The following ADGRG2 variants were observed in gnomAD, a reference collection of about 807,000 sequenced individuals.
The protein encoded by ADGRG2 is adhesion G protein-coupled receptor G2.
Under a neutral mutation model 74.1 loss-of-function variants are expected in ADGRG2, and 26 were observed. The observed-to-expected ratio is 0.35, with a 90% CI of 0.26 to 0.49. The LOEUF (loss-of-function observed/expected upper bound fraction) is 0.49. Ranked by LOEUF, ADGRG2 falls within the 20% of genes least tolerant of loss-of-function variation. ADGRG2 has a pLI of 0.99. For missense variants in ADGRG2, 619 were observed against 763.1 expected, an observed-to-expected ratio of 0.81 and a Z score of 2.22; for synonymous variants, 296 against 295.2, an observed-to-expected ratio of 1.00 and a Z score of -0.03.
rs190207974 is a variant in ADGRG2 at position 19,094,986 on chromosome X, C to T, written c.-46-12240G>A. Among the ~76,000 whole-genome samples, 56 of 112,031 alleles carry T rather than the reference C, an allele frequency of 5.0e-4. 2 individuals are homozygous for T. The highest frequency in any genetic ancestry group is 2.4e-3 in the Admixed American group (25 of 10,559). ...TTGCAGTGTGTTTTTCCAAGAGACC[C>T]GGCAAACAGCAACTTGACAGGTTCA... is the stretch of plus-strand genomic sequence containing the variant. On this transcript the variant is annotated intron_variant, in intron 1 of 28. Transcript: ENST00000379869.
intron 1 of ADGRG2, among the ~76,000 whole-genome samples, chrX:19,113,148 C>T (rs1035876924): frequency 4.6e-5 from 5 of 108,690 alleles, no homozygotes; most frequent in Non-Finnish European, 7.6e-5. Context: ...GAGGCTGAGG[C>T]GGGCAGATCA....
chrX:19,104,525 A>G (rs2062245023), intron 1 of ADGRG2, among the ~76,000 whole-genome samples: 1 of 111,948 alleles, frequency 8.9e-6, no homozygotes. Flanking sequence ...AAGAAACCCC[A>G]TGGGGCTCCC....
chrX:19,107,640 T>TTG (rs202145395), intron 1 of ADGRG2, among the ~76,000 whole-genome samples: 12,973 of 96,561 alleles, frequency 0.13, 818 homozygotes, highest in African/African-American at 0.29. Flanking sequence ...GTTTTTTGTT[T>TTG]TTTTTTTTTT....
chrX:19,033,528 A>G (rs2060871159), intron 8 of ADGRG2, 85 bp downstream of exon 8: 2 of 519,881 alleles, frequency 3.8e-6, no homozygotes, highest in East Asian at 7.1e-5. Context: ...TGGAAAAAAG[A>G]GAAAGAAATT....
At chrX:19,117,099 G>A (rs769310502) in intron 1 of ADGRG2, among the ~76,000 whole-genome samples, 1 of 110,247 alleles carries the variant, frequency 9.1e-6, no homozygotes, top group Admixed American at 9.7e-5. Flanking sequence ...AGACCAACCT[G>A]GCCAAGATGG....
At chrX:19,049,862 T>A (rs2061283565) in intron 3 of ADGRG2, among the ~76,000 whole-genome samples, 1 of 111,787 alleles carries the variant, frequency 8.9e-6, no homozygotes, top group Non-Finnish European at 1.9e-5. Context: ...TTCCTTCTCA[T>A]CAAAGCATCT....
rs2059896199 is a variant in ADGRG2 at position 18,989,946 on chromosome X, A to G, written c.*918T>C. The G allele has an allele frequency of 8.9e-6, 1 of 112,468 alleles. No homozygotes were observed. Among genetic ancestry groups the G allele is most frequent in the African/African-American group, 3.2e-5 (1 of 30,872 alleles). 9.3% of individuals were successfully genotyped at this position (112,468 alleles called of 1,213,427 possible). A position where few individuals can be genotyped will look rare whatever the true frequency, so the allele number is the denominator to read the frequency against. On this transcript the variant is annotated 3_prime_UTR_variant, in exon 29 of 29. Transcript: ENST00000379869. ...TTTCCTGACACATGGTCTGGATGAC[A>G]GTTCATCCCTCTCTGTGGCCAAGGT...
Position 18,999,028 on chromosome X carries a change from A to T in ADGRG2, c.2582T>A (p.Met861Lys). ...FAWGPVNVTF[M>K]YLFAIFNTLQ... ...GGTATTAAAGATGGCAAACAGATAC[A>T]TGAAGGTCACGTTAACTGGTCCCCA... The change falls in exon 26 of 29, where the codon ATG (methionine) becomes AAG (lysine). Residue 861 changes from methionine to lysine, a missense_variant. Transcript: ENST00000379869. 2 of 1,208,484 alleles carry T rather than the reference A, an allele frequency of 1.7e-6. No individual in the cohort carries two copies. The highest frequency in any genetic ancestry group is 2.2e-6 in the Non-Finnish European group (2 of 892,718).
At chrX:19,072,184 A>T (rs1251128382) in intron 2 of ADGRG2, among the ~76,000 whole-genome samples, 2 of 108,694 alleles carry the variant, frequency 1.8e-5, no homozygotes, top group East Asian at 5.7e-4. Flanking sequence ...TTTTTTTTTA[A>T]CTCATCAGCT....
intron 12 of ADGRG2, 97 bp downstream of exon 12, chrX:19,023,812 G>C (rs1220716963): frequency 1.6e-6 from 1 of 612,252 alleles, no homozygotes; most frequent in African/African-American, 2.3e-5. Flanking sequence ...AAATTTGGGA[G>C]AATTTGAATA....
At chrX:19,084,075 G>A (rs1468444563) in intron 1 of ADGRG2, among the ~76,000 whole-genome samples, 1 of 111,933 alleles carries the variant, frequency 8.9e-6, no homozygotes, top group Non-Finnish European at 1.9e-5. Context: ...ATGATAGACT[G>A]GATAAAGAAA....
Position 18,999,932 on chromosome X carries a change from G to C in ADGRG2, c.2259C>G (p.Ile753Met). Residue 753 changes from isoleucine (I) to methionine (M), a missense_variant, in exon 25 of 29, where the codon ATC (isoleucine) becomes ATG (methionine). This residue lies in a region of ADGRG2 where 221 missense variants were observed against 340.6 expected (regional missense o/e 0.65). Coordinates refer to ENST00000379869, the MANE Select transcript of ADGRG2 (RefSeq NM_001079858.3). ...WGVPAVVVTI[I>M]LTISPDNYGL... ...CATAGTTATCTGGGGATATAGTCAG[G>C]ATGATGGTCACAACCACAGCTGGTA... The C allele has an allele frequency of 8.5e-7, 1 of 1,181,171 alleles. No homozygotes were observed. The highest frequency in any genetic ancestry group is 1.8e-5 in the South Asian group (1 of 56,202).
chrX:19,033,867 C>G (rs752009764), intron 7 of ADGRG2: 3 of 296,817 alleles, frequency 1.0e-5, no homozygotes, highest in Non-Finnish European at 1.8e-5. Context: ...GTTGGAGTTC[C>G]ATGTTTACGC....
At position 18,990,840 on chromosome X, in the gene ADGRG2, T is replaced by C. The variant is rs952305491; in HGVS notation, c.*24A>G. ...GGACATTTCACACTGTCAAGCATCA[T>C]GCTTTGATTTTAGAAGAAAGGAATC... On this transcript the variant is annotated 3_prime_UTR_variant, in exon 29 of 29. Transcript: ENST00000379869. 5.4e-6 allele frequency: 6 copies of C among 1,118,401 alleles called. No individual in the cohort carries two copies. The East Asian group carries it at 1.8e-4, about 34-fold the overall frequency. The allele number at this position is 1,118,401 out of a possible 1,213,427, so 92.2% of individuals were successfully genotyped here. A position where few individuals can be genotyped will look rare whatever the true frequency, so the allele number is the denominator to read the frequency against.
intron 9 of ADGRG2, among the ~76,000 whole-genome samples, 157 bp downstream of exon 9, chrX:19,030,827 T>A (rs2060810210): frequency 8.9e-6 from 1 of 111,950 alleles, no homozygotes; most frequent in Non-Finnish European, 1.9e-5. Flanking sequence ...GATATAAAAT[T>A]TGCTTTTGTT....
chrX:19,077,541 A>G (rs781386260), intron 2 of ADGRG2, among the ~76,000 whole-genome samples: 61 of 107,942 alleles, frequency 5.7e-4, no homozygotes, highest in Non-Finnish European at 1.0e-3. Flanking sequence ...AAGCAGATCA[A>G]TGATTCATGA....
At chrX:19,093,699 C>T (rs2147002272) in intron 1 of ADGRG2, among the ~76,000 whole-genome samples, 1 of 111,646 alleles carries the variant, frequency 9.0e-6, no homozygotes, top group South Asian at 3.8e-4. Context: ...TCTAAGAGAC[C>T]ACCTCTCAAG....
intron 16 of ADGRG2, among the ~76,000 whole-genome samples, chrX:19,012,293 C>T (rs1049801906): frequency 9.0e-6 from 1 of 111,411 alleles, no homozygotes; most frequent in African/African-American, 3.3e-5. Context: ...CCCAGGAATA[C>T]ATAGGCACCA....
Position 19,121,234 on chromosome X carries a change from C to A in ADGRG2, c.-47+1208G>T, listed in dbSNP as rs182356936. 1.1e-3 allele frequency among the ~76,000 whole-genome samples: 121 copies of A among 111,926 alleles called. 1 individual carries two copies. The highest frequency in any genetic ancestry group is 3.7e-3 in the African/African-American group (115 of 30,806). On this transcript the variant is annotated intron_variant, in intron 1 of 28. Transcript: ENST00000379869. ...ACCTGTTTGGGGCCATGCGTTGAGA[C>A]CCCTTTCTTTCTGTAACCTCAAGAT...
Sources: gnomAD v4.1 joint callset for allele counts (sites outside exome capture counted in the v4.1 genomes callset) on GRCh38, gnomAD v4.1.1 for gene constraint, gnomAD v4.1.1 regional missense constraint, MANE v1.5 for transcripts, NCBI Gene and HGNC (gene_info 2026-07-23, HGNC 2026-07-21) for gene names.